ATE1: variants seen among roughly 807,000 people sequenced by gnomAD.
ATE1 encodes the protein arginyl-tRNA--protein transferase 1.
ATE1 carries 36 observed loss-of-function variants against 70.5 expected under a neutral mutation model. That is an observed-to-expected ratio of 0.51 (90% CI 0.39 to 0.67). The LOEUF (loss-of-function observed/expected upper bound fraction) is 0.67. Ranked by LOEUF, ATE1 falls within the 30% of genes least tolerant of loss-of-function variation. The pLI, the probability that ATE1 is intolerant of heterozygous loss-of-function variation, is 0.00. For synonymous variants in ATE1, 232 were observed against 219.3 expected (o/e 1.06, Z -0.51); for missense variants, 593 against 629.5 (o/e 0.94, Z 0.62).
chr10:121,869,628 A>C (rs1949781548), intron 8 of ATE1, among the ~76,000 whole-genome samples: 1 of 152,128 alleles, frequency 6.6e-6, no homozygotes, highest in Admixed American at 6.6e-5. Context: ...TTTGCCTCTG[A>C]TTTTTCCAGC....
intron 11 of ATE1, among the ~76,000 whole-genome samples, chr10:121,750,679 CTAGGCTTT>C (rs1944543444): frequency 1.3e-5 from 2 of 152,138 alleles, no homozygotes; most frequent in Non-Finnish European, 2.9e-5. Flanking sequence ...TTTATAACTT[CTAGGCTTT>C]CCAAAAATTA....
chr10:121,830,853 T>A (rs1237745076), intron 10 of ATE1, among the ~76,000 whole-genome samples: 1 of 152,100 alleles, frequency 6.6e-6, no homozygotes, highest in East Asian at 1.9e-4. Flanking sequence ...GAATTCCCCC[T>A]CCCAAGAAGA....
intron 7 of ATE1, 65 bp downstream of exon 7, chr10:121,899,801 T>C (rs1483127278): frequency 1.3e-6 from 2 of 1,552,424 alleles, no homozygotes; most frequent in Non-Finnish European, 1.7e-6. Context: ...CAAGATTTCA[T>C]TAAATGATAT....
At chr10:121,781,679 G>C (rs1410067534) in intron 11 of ATE1, among the ~76,000 whole-genome samples, 1 of 152,230 alleles carries the variant, frequency 6.6e-6, no homozygotes, top group Non-Finnish European at 1.5e-5. Flanking sequence ...AGCTAAGACA[G>C]TCTCCTTAAC....
intron 8 of ATE1, among the ~76,000 whole-genome samples, chr10:121,864,728 C>T (rs1040637891): frequency 5.9e-5 from 9 of 152,176 alleles, no homozygotes; most frequent in East Asian, 1.9e-4. Flanking sequence ...GGCTTATTAA[C>T]GATACCTCTT....
At chr10:121,921,904 G>A (rs1951898249) in intron 3 of ATE1, among the ~76,000 whole-genome samples, 1 of 152,142 alleles carries the variant, frequency 6.6e-6, no homozygotes, top group Admixed American at 6.5e-5. Context: ...TTGTCCTCCT[G>A]AATCCCACAA....
chr10:121,820,998 G>C, intron 10 of ATE1, among the ~76,000 whole-genome samples: 1 of 152,202 alleles, frequency 6.6e-6, no homozygotes, highest in South Asian at 2.1e-4. Context: ...CTGGAGCGCA[G>C]TGGCGCAATC....
intron 8 of ATE1, among the ~76,000 whole-genome samples, chr10:121,866,646 G>A (rs567347264): frequency 3.0e-4 from 45 of 151,946 alleles, no homozygotes; most frequent in Non-Finnish European, 5.3e-4. Flanking sequence ...TCAGGAGTTC[G>A]AGACCAGCCT....
intron 3 of ATE1, among the ~76,000 whole-genome samples, chr10:121,918,441 T>C (rs1464988029): frequency 1.3e-5 from 2 of 152,178 alleles, no homozygotes; most frequent in Non-Finnish European, 2.9e-5. Context: ...TATTTTGCAA[T>C]GTTAATGAAT....
Position 121,892,571 on chromosome 10 carries a change from A to G in ATE1, c.942+7295T>C, listed in dbSNP as rs894918235. Among the ~76,000 whole-genome samples, 3 of 146,948 alleles carry G rather than the reference A, an allele frequency of 2.0e-5. No homozygotes were observed. The East Asian group carries it at 6.1e-4, about 30-fold the overall frequency. On this transcript the variant is annotated intron_variant, in intron 7 of 11. Transcript: ENST00000224652. ...GCCAAGGTTGGAGCGCAATGGCACC[A>G]TCTCGGCTCACTGCAACCTCTGCCT...
chr10:121,841,108 CA>C lies in ATE1; in HGVS notation c.1130del (p.Leu377CysfsTer40). ...YLYYDPDYSF[L>X]SLGVYSALRE... ...GTAGTGCAGAGTAGACGCCCAAAGA[CA>C]AAAACGAATAATCAGGATCGTAGTA... On this transcript the variant is annotated frameshift_variant, in exon 9 of 12. Transcript: ENST00000224652. LOFTEE classifies it high-confidence loss of function. 1 of 1,572,468 alleles carries C rather than the reference CA, an allele frequency of 6.4e-7. No homozygotes were observed. Among genetic ancestry groups the C allele is most frequent in the Non-Finnish European group, 8.7e-7 (1 of 1,155,040 alleles).
At chr10:121,820,714 C>T (rs1947758859) in intron 10 of ATE1, among the ~76,000 whole-genome samples, 1 of 152,166 alleles carries the variant, frequency 6.6e-6, no homozygotes, top group Admixed American at 6.5e-5. Flanking sequence ...GGAATCAATG[C>T]TAGTCTGACA....
intron 7 of ATE1, among the ~76,000 whole-genome samples, chr10:121,896,695 G>C (rs35661804): frequency 2.0e-5 from 3 of 151,948 alleles, no homozygotes; most frequent in Non-Finnish European, 4.4e-5. Context: ...TGTAATCCCA[G>C]AGACGCAGGG....
chr10:121,916,549 C>A (rs1029387993), intron 3 of ATE1, among the ~76,000 whole-genome samples: 46 of 151,826 alleles, frequency 3.0e-4, no homozygotes, highest in African/African-American at 1.1e-3. Flanking sequence ...TAAAAAGAAT[C>A]CCCAGGCCGG....
chr10:121,900,075 A>G, intron 6 of ATE1, 81 bp from the exon 7 acceptor site: 1 of 1,432,786 alleles, frequency 7.0e-7, no homozygotes, highest in South Asian at 1.4e-5. Context: ...AGTAACTCCC[A>G]TCCAAGAAAC....
Position 121,902,424 on chromosome 10 carries a change from C to T in ATE1, c.780G>A (p.Glu260=), listed in dbSNP as rs1951017505. The change falls in exon 6 of 12, where the codon GAG becomes GAA. Residue 260 remains glutamate, a synonymous_variant. Coordinates refer to ENST00000224652, the MANE Select transcript of ATE1 (RefSeq NM_001001976.3). ...QPKSLEDLIF[E]SLPENASHKL... ...TGTGTGATGCATTCTCTGGTAAAGA[C>T]TCAAAAATTAAATCTTCGAGTGATT... The T allele has an allele frequency of 6.2e-7, 1 of 1,614,044 alleles. No individual in the cohort carries two copies. The highest frequency in any genetic ancestry group is 1.3e-5 in the African/African-American group (1 of 74,926).
chr10:121,838,981 T>C (rs1948530235), intron 9 of ATE1, among the ~76,000 whole-genome samples: 1 of 152,160 alleles, frequency 6.6e-6, no homozygotes, highest in Non-Finnish European at 1.5e-5. Context: ...CCAAAATACA[T>C]TAAAATCAAT....
intron 11 of ATE1, among the ~76,000 whole-genome samples, chr10:121,756,609 T>A (rs1373173253): frequency 6.6e-6 from 1 of 152,200 alleles, no homozygotes; most frequent in Non-Finnish European, 1.5e-5. Flanking sequence ...CAAACCCCAA[T>A]TCTTGACTTC....
intron 10 of ATE1, among the ~76,000 whole-genome samples, chr10:121,820,156 A>C (rs987448921): frequency 2.6e-5 from 4 of 151,588 alleles, no homozygotes; most frequent in African/African-American, 7.3e-5. Flanking sequence ...AATAAACAAA[A>C]ATAAATAAAT....
Sources: allele counts gnomAD v4.1 joint callset (sites outside exome capture counted in the v4.1 genomes callset), GRCh38; gene constraint gnomAD v4.1.1; transcripts MANE v1.5; gene names NCBI Gene and HGNC (gene_info 2026-07-23, HGNC 2026-07-21).